Variants in GRM7 observed in about 807,000 individuals in gnomAD.
GRM7 encodes glutamate metabotropic receptor 7.
Under a neutral mutation model 84.5 loss-of-function variants are expected in GRM7, and 35 were observed. That is an observed-to-expected ratio of 0.41 (90% CI 0.32 to 0.55). The LOEUF (loss-of-function observed/expected upper bound fraction) is 0.55, where lower values mean the gene tolerates loss of function less well. Among genes scored for constraint, GRM7 ranks in the 20% least tolerant of loss-of-function variants. The pLI is 0.19. For missense variants in GRM7, 1,003 were observed against 1,194.6 expected (o/e 0.84, Z 2.36); for synonymous variants, 487 against 455.1 (o/e 1.07, Z -0.89).
chr3:6,893,279 G>C (rs1457083622), intron 1 of GRM7, among the ~76,000 whole-genome samples: 1 of 152,114 alleles, frequency 6.6e-6, no homozygotes, highest in Non-Finnish European at 1.5e-5. Context: ...CAGAAGCTCT[G>C]GGGTTATTGT....
At chr3:6,878,062 AG>A (rs2124956419) in intron 1 of GRM7, among the ~76,000 whole-genome samples, 1 of 152,190 alleles carries the variant, frequency 6.6e-6, no homozygotes, top group East Asian at 1.9e-4. Context: ...AGACCAATAC[AG>A]CATGTCCCAA....
chr3:7,577,959 G>A (rs113252158), intron 7 of GRM7, among the ~76,000 whole-genome samples: 1 of 152,316 alleles, frequency 6.6e-6, no homozygotes, highest in African/African-American at 2.4e-5. Flanking sequence ...GGAGATAAGT[G>A]TAGCTTTTCA....
chr3:7,508,444 A>G (rs1700099572), intron 7 of GRM7, among the ~76,000 whole-genome samples: 1 of 152,190 alleles, frequency 6.6e-6, no homozygotes, highest in South Asian at 2.1e-4. Flanking sequence ...TAGAGTAAAT[A>G]ATATTAGTGT....
At chr3:7,513,291 T>C (rs1700273123) in intron 7 of GRM7, among the ~76,000 whole-genome samples, 1 of 152,208 alleles carries the variant, frequency 6.6e-6, no homozygotes, top group Admixed American at 6.5e-5. Context: ...ATTAAAATCA[T>C]TGGCAAAGAA....
At chr3:7,245,776 C>T (rs1175145841) in intron 2 of GRM7, among the ~76,000 whole-genome samples, 1 of 151,852 alleles carries the variant, frequency 6.6e-6, no homozygotes, top group Non-Finnish European at 1.5e-5. Flanking sequence ...AAATAGAAAT[C>T]CTTGTCTATT....
intron 1 of GRM7, among the ~76,000 whole-genome samples, chr3:7,054,131 C>A (rs1407077242): frequency 6.7e-6 from 1 of 150,110 alleles, no homozygotes; most frequent in Non-Finnish European, 1.5e-5. Context: ...TATATAAGTT[C>A]ATTTGATTTT....
At chr3:6,908,617 CTG>C (rs1183195145) in intron 1 of GRM7, among the ~76,000 whole-genome samples, 2 of 152,156 alleles carry the variant, frequency 1.3e-5, no homozygotes, top group Non-Finnish European at 2.9e-5. Flanking sequence ...CTAAAATTCA[CTG>C]TACCTGTCCT....
intron 1 of GRM7, among the ~76,000 whole-genome samples, chr3:7,088,533 T>TA (rs1371577524): frequency 1.3e-5 from 2 of 149,308 alleles, no homozygotes; most frequent in Non-Finnish European, 3.0e-5. Flanking sequence ...GGATGAGAGA[T>TA]AGGGGCCAGA....
chr3:7,246,477 C>A (rs962220510), intron 2 of GRM7, among the ~76,000 whole-genome samples: 3 of 152,108 alleles, frequency 2.0e-5, no homozygotes, highest in Non-Finnish European at 2.9e-5. Flanking sequence ...CAATGGGGAC[C>A]TTGTCCCTTT....
chr3:7,334,377 C>T (rs781402536), intron 4 of GRM7, among the ~76,000 whole-genome samples: 4 of 151,940 alleles, frequency 2.6e-5, no homozygotes, highest in Non-Finnish European at 4.4e-5. Flanking sequence ...GCTACCAAGC[C>T]AGCCCTACAA....
chr3:7,063,076 C>T (rs150535271), intron 1 of GRM7, among the ~76,000 whole-genome samples: 1 of 151,666 alleles, frequency 6.6e-6, no homozygotes, highest in African/African-American at 2.4e-5. Context: ...CCAAGTAGCA[C>T]AAGCCAAAGG....
chr3:7,569,961 A>G (rs182678910), intron 7 of GRM7, among the ~76,000 whole-genome samples: 45 of 152,292 alleles, frequency 3.0e-4, no homozygotes, highest in Non-Finnish European at 5.3e-4. Context: ...GAACCCACCA[A>G]TTCCGGCCAC....
At chr3:6,920,223 C>T in intron 1 of GRM7, among the ~76,000 whole-genome samples, 1 of 151,904 alleles carries the variant, frequency 6.6e-6, no homozygotes, top group East Asian at 1.9e-4. Context: ...AGTGACATAG[C>T]AATAATAAAT....
At position 6,932,794 on chromosome 3, in the gene GRM7, A is replaced by G. The variant is rs991517415; in HGVS notation, c.519+70887A>G. Reference sequence around the variant, plus strand: ...TTTTGAGACAGAGTCTCGCCCTGTCAGCCAGGCTGGAGTGCAATGGCGCGA... The same window carrying G: ...TTTTGAGACAGAGTCTCGCCCTGTCGGCCAGGCTGGAGTGCAATGGCGCGA... On this transcript the variant is annotated intron_variant, in intron 1 of 9. Coordinates refer to ENST00000357716, the MANE Select transcript of GRM7 (RefSeq NM_000844.4). 6.3e-5 allele frequency among the ~76,000 whole-genome samples: 8 copies of G among 127,884 alleles called. No homozygotes were observed. The South Asian group carries it at 1.9e-3, about 30-fold the overall frequency. 83.9% of individuals were successfully genotyped at this position (127,884 alleles called of 152,430 possible).
intron 9 of GRM7, chr3:7,686,423 T>C: frequency 2.6e-6 from 4 of 1,534,300 alleles, no homozygotes; most frequent in Non-Finnish European, 2.7e-6. Flanking sequence ...CCACCAACAG[T>C]ATAGCTTTTG....
At chr3:7,373,913 C>A (rs150337654) in intron 4 of GRM7, among the ~76,000 whole-genome samples, 3 of 152,108 alleles carry the variant, frequency 2.0e-5, no homozygotes, top group Non-Finnish European at 4.4e-5. Flanking sequence ...TTTTATTTAA[C>A]CTTAATTTTA....
intron 9 of GRM7, among the ~76,000 whole-genome samples, chr3:7,696,624 T>C (rs1189262101): frequency 6.6e-6 from 1 of 152,180 alleles, no homozygotes. Context: ...TTGGCCAACT[T>C]TGAGATTCGG....
chr3:7,353,724 G>A (rs934186395), intron 4 of GRM7, among the ~76,000 whole-genome samples: 2 of 152,076 alleles, frequency 1.3e-5, no homozygotes, highest in African/African-American at 2.4e-5. Context: ...CAGACCTTAC[G>A]GTGGGAACCA....
chr3:6,896,153 A>G (rs1451675165), intron 1 of GRM7, among the ~76,000 whole-genome samples: 1 of 152,142 alleles, frequency 6.6e-6, no homozygotes, highest in Non-Finnish European at 1.5e-5. Context: ...ATTCCAAAGG[A>G]TGTGAATTGG....
Sources: allele counts gnomAD v4.1 joint callset (sites outside exome capture counted in the v4.1 genomes callset), GRCh38; gene constraint gnomAD v4.1.1; transcripts MANE v1.5; gene names NCBI Gene and HGNC (gene_info 2026-07-23, HGNC 2026-07-21).